MUCL1: variants seen among roughly 807,000 people sequenced by gnomAD.
The protein encoded by MUCL1 is mucin-like protein 1.
In MUCL1, 11 loss-of-function variants were observed where a neutral mutation model predicts 9.2. The observed-to-expected ratio is 1.19, with a 90% CI of 0.75 to 1.97. MUCL1 has a LOEUF of 1.97. Among genes scored for constraint, MUCL1 ranks in the 30% most tolerant of loss-of-function variants. MUCL1 has a pLI of 0.00. For missense variants in MUCL1, 144 were observed against 110.9 expected, an observed-to-expected ratio of 1.30 and a Z score of -1.34; for synonymous variants, 48 against 40.5, an observed-to-expected ratio of 1.19 and a Z score of -0.71.
At chr12:54,842,568 A>G (rs191886305) in intron 1 of MUCL1, among the ~76,000 whole-genome samples, 1 of 152,152 alleles carries the variant, frequency 6.6e-6, no homozygotes, top group Non-Finnish European at 1.5e-5. Flanking sequence ...TGCCATAAAT[A>G]CACAAATACG....
upstream of MUCL1, among the ~76,000 whole-genome samples, chr12:54,854,167 A>G (rs993500654): frequency 6.6e-6 from 1 of 152,322 alleles, no homozygotes; most frequent in African/African-American, 2.4e-5. Context: ...TATGACTCCT[A>G]GAATCTATGA....
intron 1 of MUCL1, among the ~76,000 whole-genome samples, chr12:54,848,715 C>A (rs1239901473): frequency 6.6e-6 from 1 of 152,108 alleles, no homozygotes; most frequent in East Asian, 1.9e-4. Context: ...GTTAACATAA[C>A]AAATATTGCT....
At chr12:54,851,176 T>C (rs1190452728), upstream of MUCL1, among the ~76,000 whole-genome samples, 2 of 152,194 alleles carry the variant, frequency 1.3e-5, no homozygotes, top group African/African-American at 4.8e-5. Flanking sequence ...TACAACCCAT[T>C]TGTCAATTTT....
At chr12:54,853,960 G>A (rs1320089823), upstream of MUCL1, among the ~76,000 whole-genome samples, 1 of 152,138 alleles carries the variant, frequency 6.6e-6, no homozygotes, top group Non-Finnish European at 1.5e-5. Flanking sequence ...ATCCAGTAAG[G>A]TCATAGTTCG....
At chr12:54,850,979 T>C (rs1959329964), upstream of MUCL1, among the ~76,000 whole-genome samples, 1 of 152,242 alleles carries the variant, frequency 6.6e-6, no homozygotes, top group African/African-American at 2.4e-5. Context: ...TGTCTGTTCA[T>C]ATCCTTTACC....
intron 1 of MUCL1, among the ~76,000 whole-genome samples, chr12:54,839,949 C>T (rs1035398232): frequency 4.0e-5 from 6 of 150,980 alleles, no homozygotes; most frequent in African/African-American, 1.5e-4. Flanking sequence ...AGTCGCTTTT[C>T]ACAAGCAGAA....
At chr12:54,853,875 T>G (rs903468515), upstream of MUCL1, among the ~76,000 whole-genome samples, 3 of 152,216 alleles carry the variant, frequency 2.0e-5, no homozygotes, top group African/African-American at 7.2e-5. Flanking sequence ...ATTAAATGGA[T>G]GCATGAATTA....
intron 1 of MUCL1, among the ~76,000 whole-genome samples, chr12:54,849,153 T>G (rs1201103974): frequency 6.6e-6 from 1 of 152,174 alleles, no homozygotes; most frequent in Non-Finnish European, 1.5e-5. Context: ...AAGGCCATTT[T>G]GTACAGCATT....
At chr12:54,842,094 T>C (rs1959215245) in intron 1 of MUCL1, among the ~76,000 whole-genome samples, 1 of 152,160 alleles carries the variant, frequency 6.6e-6, no homozygotes, top group Non-Finnish European at 1.5e-5. Context: ...TTGCCTTCAA[T>C]CTATAAATTA....
intron 1 of MUCL1, among the ~76,000 whole-genome samples, chr12:54,847,039 G>T (rs933967190): frequency 1.3e-5 from 2 of 152,074 alleles, no homozygotes; most frequent in African/African-American, 4.8e-5. Context: ...TCCACATCCT[G>T]CTTAGTCCTT....
chr12:54,837,858 T>G (rs1002497598), upstream of MUCL1, among the ~76,000 whole-genome samples: 1 of 152,264 alleles, frequency 6.6e-6, no homozygotes, highest in Non-Finnish European at 1.5e-5. Context: ...TGTGATTTTT[T>G]AATACGTTCT....
intron 1 of MUCL1, among the ~76,000 whole-genome samples, chr12:54,833,317 C>T (rs942355574): frequency 6.6e-6 from 1 of 152,020 alleles, no homozygotes; most frequent in African/African-American, 2.4e-5. Flanking sequence ...TTTTATTTCT[C>T]AGTTTATTTT....
chr12:54,856,196 T>C (rs899365440), intron 2 of MUCL1, among the ~76,000 whole-genome samples: 13 of 152,094 alleles, frequency 8.5e-5, no homozygotes, highest in Non-Finnish European at 1.5e-4. Context: ...ATAAACAGAG[T>C]CCAAGCTGCC....
At chr12:54,830,682 A>G (rs778434869) in exon 1 of MUCL1, 31 of 152,296 alleles carry the variant, frequency 2.0e-4, no homozygotes, top group Non-Finnish European at 3.8e-4. Context: ...CCCTCTGTTC[A>G]TTCTGCCAGG....
upstream of MUCL1, among the ~76,000 whole-genome samples, chr12:54,837,539 G>A (rs369516754): frequency 7.2e-4 from 109 of 152,214 alleles, no homozygotes; most frequent in African/African-American, 2.3e-3. Context: ...GCCAAGGCAG[G>A]CAGACCACAA....
At chr12:54,841,397 T>A (rs1281561281) in intron 1 of MUCL1, among the ~76,000 whole-genome samples, 1 of 152,184 alleles carries the variant, frequency 6.6e-6, no homozygotes, top group Non-Finnish European at 1.5e-5. Context: ...TTATTTTTTT[T>A]AAGTTTTTGA....
chr12:54,831,958 A>T (rs1222401453), intron 1 of MUCL1, among the ~76,000 whole-genome samples: 2 of 152,162 alleles, frequency 1.3e-5, no homozygotes, highest in African/African-American at 4.8e-5. Flanking sequence ...GAAAATAATT[A>T]GGAAAACAAT....
chr12:54,837,038 G>A (rs965639989), upstream of MUCL1, among the ~76,000 whole-genome samples: 4 of 152,140 alleles, frequency 2.6e-5, no homozygotes, highest in African/African-American at 9.7e-5. Context: ...GCACTGAGGA[G>A]AAGAATGTAT....
At chr12:54,832,402 TTCTGAATAATTTCC>T (rs1286658643) in intron 1 of MUCL1, among the ~76,000 whole-genome samples, 3 of 152,138 alleles carry the variant, frequency 2.0e-5, no homozygotes, top group Admixed American at 6.5e-5. Flanking sequence ...TTTGTGTCTT[TTCTGAATAATTTCC>T]TCTGTTTTAT....
Sources: allele counts gnomAD v4.1 joint callset (sites outside exome capture counted in the v4.1 genomes callset), GRCh38; gene constraint gnomAD v4.1.1; transcripts MANE v1.5; gene names NCBI Gene and HGNC (gene_info 2026-07-23, HGNC 2026-07-21).